The following MYH9 variants were observed in gnomAD, a reference collection of about 807,000 sequenced individuals.
MYH9 encodes the protein myosin heavy chain 9.
MYH9 carries 29 observed loss-of-function variants against 241.9 expected under a neutral mutation model. The observed-to-expected ratio is 0.12, with a 90% CI of 0.09 to 0.16. MYH9 has a LOEUF of 0.16. Ranked by LOEUF, MYH9 falls within the 10% of genes least tolerant of loss-of-function variation. MYH9 has a pLI of 1.00. For synonymous variants in MYH9, 1,047 were observed against 1,062.6 expected, an observed-to-expected ratio of 0.99 and a Z score of 0.29; for missense variants, 1,803 against 2,595.5, an observed-to-expected ratio of 0.69 and a Z score of 6.63.
At chr22:36,378,857 C>T (rs1010816460) in intron 1 of MYH9, among the ~76,000 whole-genome samples, 110 of 152,056 alleles carry the variant, frequency 7.2e-4, no homozygotes, top group African/African-American at 2.5e-3. Flanking sequence ...TTAGAAAACA[C>T]GCTTAAATGA....
intron 3 of MYH9, among the ~76,000 whole-genome samples, chr22:36,337,231 T>G (rs553369122): frequency 1.3e-5 from 2 of 152,218 alleles, no homozygotes; most frequent in African/African-American, 4.8e-5. Flanking sequence ...AAGGTGTAGC[T>G]GGCACCAAGT....
chr22:36,358,107 C>T (rs1342696406), intron 1 of MYH9, among the ~76,000 whole-genome samples: 1 of 152,202 alleles, frequency 6.6e-6, no homozygotes, highest in Non-Finnish European at 1.5e-5. Context: ...GGAATCCCAT[C>T]AGGCTGGAAT....
chr22:36,282,473 A>G lies in MYH9; in HGVS notation c.*195T>C, dbSNP rs771229879. On this transcript the variant is annotated 3_prime_UTR_variant, in exon 41 of 41. Transcript: ENST00000216181. ...ATTCTGAGCAGGGGAGGGAGCTGGA[A>G]GGGGATGCAGCAGAGGAAGCCAAAT... 8.9e-5 allele frequency: 64 copies of G among 718,250 alleles called. No homozygotes were observed. Among genetic ancestry groups the G allele is most frequent in the Non-Finnish European group, 1.6e-4 (61 of 393,210 alleles). 44.5% of individuals were successfully genotyped at this position (718,250 alleles called of 1,614,324 possible).
At chr22:36,316,729 C>T in intron 11 of MYH9, 60 bp from the exon 12 acceptor site, 9 of 1,600,500 alleles carry the variant, frequency 5.6e-6, no homozygotes, top group African/African-American at 1.3e-5. Flanking sequence ...ACCCTCATAC[C>T]CTATGCCCCA....
At chr22:36,384,605 AAAAAAAATATATATATATATATATATAT>A (rs1395158057) in intron 1 of MYH9, among the ~76,000 whole-genome samples, 12 of 38,602 alleles carry the variant, frequency 3.1e-4, no homozygotes, top group African/African-American at 1.0e-3. Flanking sequence ...AAAAAAAAAA[AAAAAAAATATATATATATATATATATAT>A]ATATATATAT....
intron 1 of MYH9, among the ~76,000 whole-genome samples, chr22:36,376,686 G>C (rs113577995): frequency 6.6e-6 from 1 of 152,142 alleles, no homozygotes; most frequent in African/African-American, 2.4e-5. Flanking sequence ...GGGATTCCCC[G>C]ATCAGTGTTC....
In MYH9 at chr22:36,286,569, T is replaced by C. The variant is rs559233266; in HGVS notation, c.5061+149A>G. On this transcript the variant is annotated intron_variant, in intron 35 of 40. Coordinates refer to ENST00000216181, the MANE Select transcript of MYH9 (RefSeq NM_002473.6). ...GGAGCCCCGCTATGAAACGGAACCC[T>C]GGAGGGAATCCTTATGTAACCTGAG... 17 of 1,136,488 alleles carry C rather than the reference T, an allele frequency of 1.5e-5. 1 individual carries two copies. The East Asian group carries it at 4.0e-4, about 27-fold the overall frequency. 70.4% of individuals were successfully genotyped at this position (1,136,488 alleles called of 1,614,324 possible).
At position 36,314,034 on chromosome 22, in the gene MYH9, A is replaced by T; in HGVS notation, c.1554+111T>A. ...TCATCCTCCGGGTGGCACCAAAAGG[A>T]AGGGGAGTTAAGACACCTCCACAAC... On this transcript the variant is annotated intron_variant, in intron 13 of 40. Transcript: ENST00000216181. 2.2e-6 allele frequency: 3 copies of T among 1,373,284 alleles called. No homozygotes were observed. In the South Asian group the frequency reaches 3.6e-5, roughly 16 times the overall value. 85.1% of individuals were successfully genotyped at this position (1,373,284 alleles called of 1,614,324 possible).
At chr22:36,316,280 G>A (rs1401504004) in intron 12 of MYH9, among the ~76,000 whole-genome samples, 1 of 150,958 alleles carries the variant, frequency 6.6e-6, no homozygotes. Context: ...GCAATCTGCC[G>A]GCCTTGGCCT....
chr22:36,379,552 G>A (rs1190251419), intron 1 of MYH9, among the ~76,000 whole-genome samples: 1 of 152,206 alleles, frequency 6.6e-6, no homozygotes, highest in African/African-American at 2.4e-5. Context: ...CTTGGCCTAA[G>A]AAGGCAAGAG....
chr22:36,311,323 T>G (rs1389934141), intron 14 of MYH9, among the ~76,000 whole-genome samples: 2 of 152,142 alleles, frequency 1.3e-5, no homozygotes, highest in African/African-American at 4.8e-5. Flanking sequence ...GTGGCAGACT[T>G]GGCAACAGCA....
chr22:36,346,092 A>G (rs988679805), intron 2 of MYH9, among the ~76,000 whole-genome samples: 2 of 151,222 alleles, frequency 1.3e-5, no homozygotes, highest in African/African-American at 4.9e-5. Context: ...GGTTGCAATG[A>G]GCCAAGATGG....
At position 36,320,851 on chromosome 22, in the gene MYH9, C is replaced by T. The variant is rs1169742196; in HGVS notation, c.815G>A (p.Arg272Gln). 3.1e-6 allele frequency: 5 copies of T among 1,614,092 alleles called. No homozygotes were observed. Among genetic ancestry groups the T allele is most frequent in the Non-Finnish European group, 2.5e-6 (3 of 1,179,972 alleles). The part of the protein sequence containing the change: ...SRAIRQAKEE[R>Q]TFHIFYYLLS... ...GAGATAATAGAAGATGTGGAAGGTCCGTTCTTCCTTGGCTTGGCGGATAGC... is the reference window on the plus strand; with the variant it reads ...GAGATAATAGAAGATGTGGAAGGTCTGTTCTTCCTTGGCTTGGCGGATAGC... Residue 272 changes from arginine (R) to glutamine (Q), a missense_variant, in exon 8 of 41, where the codon CGG (arginine) becomes CAG (glutamine). Physicochemically the swap from Arg to Gln is conservative, Grantham distance 43. Transcript: ENST00000216181. The surrounding 1 kb of genome is among the most constrained non-coding windows in gnomAD (Gnocchi z 4.8).
chr22:36,358,249 G>C (rs976566490), intron 1 of MYH9, among the ~76,000 whole-genome samples: 1 of 152,174 alleles, frequency 6.6e-6, no homozygotes, highest in Non-Finnish European at 1.5e-5. Context: ...TATTTTAGTA[G>C]AGATGGGGTT....
intron 11 of MYH9, 73 bp from the exon 12 acceptor site, chr22:36,316,742 A>G (rs1053106710): frequency 6.3e-6 from 10 of 1,586,168 alleles, no homozygotes; most frequent in Non-Finnish European, 8.6e-6. Context: ...ATGCCCCAGT[A>G]ATTTCACTTT....
At chr22:36,336,427 C>A (rs1225363565) in intron 3 of MYH9, among the ~76,000 whole-genome samples, 1 of 152,228 alleles carries the variant, frequency 6.6e-6, no homozygotes, top group Non-Finnish European at 1.5e-5. Flanking sequence ...GACCATTGTG[C>A]CTGCCCCGGG....
intron 1 of MYH9, among the ~76,000 whole-genome samples, chr22:36,381,284 G>T (rs1277822168): frequency 6.6e-6 from 1 of 152,138 alleles, no homozygotes; most frequent in Non-Finnish European, 1.5e-5. Flanking sequence ...GGAAGAAGAA[G>T]CAGGTGGATC....
chr22:36,292,303 G>T, intron 30 of MYH9, 69 bp from the exon 31 acceptor site: 1 of 1,602,580 alleles, frequency 6.2e-7, no homozygotes. Context: ...CCGTCCCTGG[G>T]GCAGCTGGGA....
At chr22:36,333,332 T>C (rs2017452326) in intron 3 of MYH9, among the ~76,000 whole-genome samples, 1 of 152,162 alleles carries the variant, frequency 6.6e-6, no homozygotes, top group Non-Finnish European at 1.5e-5. Flanking sequence ...TGTCGGTGAC[T>C]GTTAGGCTAG....
Sources: allele counts gnomAD v4.1 joint callset (sites outside exome capture counted in the v4.1 genomes callset), GRCh38; gene constraint gnomAD v4.1.1; non-coding constraint Gnocchi (gnomAD v3.1); transcripts MANE v1.5; gene names NCBI Gene and HGNC (gene_info 2026-07-23, HGNC 2026-07-21).